SGSM1: variants seen among roughly 807,000 people sequenced by gnomAD.
SGSM1 encodes small G protein signaling modulator 1.
A neutral mutation model predicts 133.8 loss-of-function variants in SGSM1; 73 were observed. The observed-to-expected ratio is 0.55, with a 90% CI of 0.45 to 0.66. SGSM1 has a LOEUF of 0.66. Among genes scored for constraint, SGSM1 ranks in the 30% least tolerant of loss-of-function variants. SGSM1 has a pLI of 0.00. For missense variants in SGSM1, 1,213 were observed against 1,448.1 expected (o/e 0.84, Z 2.64); for synonymous variants, 563 against 573.0 (o/e 0.98, Z 0.25).
At chr22:24,865,753 T>C (rs956955689) in intron 9 of SGSM1, among the ~76,000 whole-genome samples, 3 of 152,086 alleles carry the variant, frequency 2.0e-5, no homozygotes, top group Admixed American at 1.3e-4. Flanking sequence ...GCCTTCAGAC[T>C]GCCATGCGGG....
rs1927843781 is a variant in SGSM1, at chr22:24,813,065, A to AT, written c.63+6582dup. On this transcript the variant is annotated intron_variant, in intron 2 of 24. Transcript: ENST00000400358. Reference sequence around the variant, plus strand: ...GGTCAGGGATGGCCTCACTGATGGGATGGTGTTTGAGCAGAGACCTGAAGG... The same window carrying AT: ...GGTCAGGGATGGCCTCACTGATGGGATTGGTGTTTGAGCAGAGACCTGAAGG... Among the ~76,000 whole-genome samples, 8 of 152,260 alleles carry AT rather than the reference A, an allele frequency of 5.3e-5. No individual in the cohort carries two copies. The South Asian group carries it at 1.7e-3, about 32-fold the overall frequency.
intron 9 of SGSM1, among the ~76,000 whole-genome samples, chr22:24,864,025 G>A (rs1931310707): frequency 6.6e-6 from 1 of 152,138 alleles, no homozygotes; most frequent in African/African-American, 2.4e-5. Context: ...ACAGGCATGA[G>A]CCACTGTGCC....
intron 2 of SGSM1, among the ~76,000 whole-genome samples, chr22:24,828,973 C>T (rs1928953698): frequency 6.6e-6 from 1 of 152,066 alleles, no homozygotes; most frequent in Non-Finnish European, 1.5e-5. Context: ...GCAGGCGGAA[C>T]ATGAGGCTAG....
intron 21 of SGSM1, among the ~76,000 whole-genome samples, chr22:24,908,778 G>T (rs1380705368): frequency 6.6e-6 from 1 of 151,484 alleles, no homozygotes; most frequent in Non-Finnish European, 1.5e-5. Flanking sequence ...CTCCAGCCTG[G>T]GCGACAGAGC....
At chr22:24,880,300 A>G (rs1932254605) in intron 14 of SGSM1, among the ~76,000 whole-genome samples, 1 of 151,802 alleles carries the variant, frequency 6.6e-6, no homozygotes, top group Non-Finnish European at 1.5e-5. Flanking sequence ...ACACCCAGCT[A>G]ATTTTTCTGT....
intron 9 of SGSM1, among the ~76,000 whole-genome samples, chr22:24,860,567 G>T (rs6004323): frequency 6.6e-6 from 1 of 151,808 alleles, no homozygotes; most frequent in Non-Finnish European, 1.5e-5. Context: ...GGTACCCATC[G>T]CCCTGCCCTC....
intron 12 of SGSM1, among the ~76,000 whole-genome samples, chr22:24,876,281 A>G (rs944532501): frequency 6.6e-6 from 1 of 152,122 alleles, no homozygotes; most frequent in African/African-American, 2.4e-5. Flanking sequence ...ACAACATGGC[A>G]AGGCTTGGCC....
rs113904081 is a variant in SGSM1 at position 24,900,218 on chromosome 22, T to G, written c.2611-1615T>G. On this transcript the variant is annotated intron_variant, in intron 19 of 24. Coordinates refer to ENST00000400358, the MANE Select transcript of SGSM1 (RefSeq NM_001098497.3). Reference sequence around the variant, plus strand: ...TGTATTTTTTATAGAGATGGGGTTTTGCCATGTTGCTCAGGCTGGTCTTGA... The same window carrying G: ...TGTATTTTTTATAGAGATGGGGTTTGGCCATGTTGCTCAGGCTGGTCTTGA... Among the ~76,000 whole-genome samples, 305 of 152,094 alleles carry G rather than the reference T, an allele frequency of 2.0e-3. 1 individual carries two copies. Among genetic ancestry groups the G allele is most frequent in the African/African-American group, 7.1e-3 (293 of 41,500 alleles).
chr22:24,854,882 G>A (rs1288868367), intron 5 of SGSM1, 114 bp from the exon 6 acceptor site: 7 of 719,564 alleles, frequency 9.7e-6, no homozygotes, highest in East Asian at 2.7e-5. Context: ...TACAGATGGG[G>A]CAGCTGAGGC....
chr22:24,867,060 G>A (rs545836412), intron 9 of SGSM1, 33 bp from the exon 10 acceptor site: 12 of 1,608,808 alleles, frequency 7.5e-6, no homozygotes, highest in African/African-American at 6.7e-5. Context: ...GTAGGCAGAA[G>A]TCCTGCAAGC....
chr22:24,923,521 C>T (rs1934086211), intron 24 of SGSM1, among the ~76,000 whole-genome samples: 1 of 152,088 alleles, frequency 6.6e-6, no homozygotes, highest in Non-Finnish European at 1.5e-5. Flanking sequence ...CCCTCTGTTG[C>T]TTCCTCCTTT....
At chr22:24,819,016 T>C (rs111732110) in intron 2 of SGSM1, among the ~76,000 whole-genome samples, 3,555 of 151,654 alleles carry the variant, frequency 0.023, 101 homozygotes, top group African/African-American at 0.074. Context: ...TGTGGCGGTG[T>C]GTGCCTGTAG....
At chr22:24,806,671 T>C (rs1428740910) in intron 2 of SGSM1, among the ~76,000 whole-genome samples, 187 bp downstream of exon 2, 1 of 150,784 alleles carries the variant, frequency 6.6e-6, no homozygotes, top group Admixed American at 6.6e-5. Flanking sequence ...GGGGTGGGCG[T>C]AGGTGTGGGG....
At position 24,893,642 on chromosome 22, in the gene SGSM1, G is replaced by T. The variant is rs145583509; in HGVS notation, c.1953+29G>T. On this transcript the variant is annotated intron_variant, in intron 17 of 24. Coordinates refer to ENST00000400358, the MANE Select transcript of SGSM1 (RefSeq NM_001098497.3). ...ATGGGCGGCTGGCCTCGGGGAGCGC[G>T]GGGGCTGGGGAAGGTCAGGGTCTGC... 435 of 1,528,030 alleles carry T rather than the reference G, an allele frequency of 2.8e-4. No individual in the cohort carries two copies. The African/African-American group carries it at 5.3e-3, about 19-fold the overall frequency. 94.7% of individuals were successfully genotyped at this position (1,528,030 alleles called of 1,614,324 possible). A position where few individuals can be genotyped will look rare whatever the true frequency, so the allele number is the denominator to read the frequency against.
intron 2 of SGSM1, among the ~76,000 whole-genome samples, chr22:24,821,585 C>T (rs1228343906): frequency 6.6e-6 from 1 of 152,216 alleles, no homozygotes; most frequent in Non-Finnish European, 1.5e-5. Context: ...TCTACAAAAG[C>T]TCCAAAGTCC....
chr22:24,816,417 CT>C lies in SGSM1; in HGVS notation c.63+9949del, dbSNP rs3062145. On this transcript the variant is annotated intron_variant, in intron 2 of 24. Coordinates refer to ENST00000400358, the MANE Select transcript of SGSM1 (RefSeq NM_001098497.3). ...AAAAATTGATTTCTTTTTTTTCTTT[CT>C]TTTTTTTTTTTTTTTGAGATGGTGT... 4.5e-3 allele frequency among the ~76,000 whole-genome samples: 581 copies of C among 130,086 alleles called. 4 individuals carry two copies. The highest frequency in any genetic ancestry group is 0.014 in the African/African-American group (509 of 35,716). 85.3% of individuals were successfully genotyped at this position (130,086 alleles called of 152,430 possible).
chr22:24,860,926 T>A (rs9612795), intron 9 of SGSM1, among the ~76,000 whole-genome samples: 1,618 of 99,490 alleles, frequency 0.016, 38 homozygotes, highest in Non-Finnish European at 0.024. Flanking sequence ...AAAAAAAATA[T>A]ATATATATAT....
intron 12 of SGSM1, among the ~76,000 whole-genome samples, chr22:24,874,949 A>T (rs1386541331): frequency 6.6e-6 from 1 of 152,234 alleles, no homozygotes; most frequent in Non-Finnish European, 1.5e-5. Flanking sequence ...GGGTGAGTCT[A>T]CATGGGGAAG....
At chr22:24,872,844 G>A (rs1931832456) in intron 12 of SGSM1, among the ~76,000 whole-genome samples, 1 of 152,074 alleles carries the variant, frequency 6.6e-6, no homozygotes, top group African/African-American at 2.4e-5. Flanking sequence ...GCTTGAACCC[G>A]GGAAGCGGAG....
Sources: gnomAD v4.1 joint callset for allele counts (sites outside exome capture counted in the v4.1 genomes callset) on GRCh38, gnomAD v4.1.1 for gene constraint, MANE v1.5 for transcripts, NCBI Gene and HGNC (gene_info 2026-07-23, HGNC 2026-07-21) for gene names.